SREBF1: variants seen among roughly 807,000 people sequenced by gnomAD.
The protein encoded by SREBF1 is sterol regulatory element-binding protein 1.
A neutral mutation model predicts 100.1 loss-of-function variants in SREBF1; 45 were observed. The ratio of observed to expected loss-of-function variants is 0.45; its 90% CI spans 0.35 to 0.58. The LOEUF (loss-of-function observed/expected upper bound fraction) is 0.58. Ranked by LOEUF, SREBF1 falls within the 20% of genes least tolerant of loss-of-function variation. The probability of loss-of-function intolerance (pLI) is 0.00; values close to 1 mark genes in which losing one functional copy is unlikely to be tolerated. For synonymous variants in SREBF1, 657 were observed against 681.8 expected, an observed-to-expected ratio of 0.96 and a Z score of 0.57; for missense variants, 1,324 against 1,539.4, an observed-to-expected ratio of 0.86 and a Z score of 2.34.
chr17:17,812,892 G>T (rs2033061186), intron 18 of SREBF1, 41 bp from the exon 19 acceptor site: 2 of 1,445,652 alleles, frequency 1.4e-6, no homozygotes, highest in South Asian at 2.8e-5. Context: ...TCTCAAGCTG[G>T]CCACGCCCCC....
In SREBF1 at chr17:17,816,437, C is replaced by T. The variant is rs757988948; in HGVS notation, c.2047+20G>A. On this transcript the variant is annotated intron_variant, in intron 10 of 18. Transcript: ENST00000261646. ...AGGCAGCAGGGAGCACCTCGGAGCC[C>T]GCCCCACGCTCAGTCCTACCCATGG... 1.1e-5 allele frequency: 17 copies of T among 1,603,836 alleles called. No individual in the cohort carries two copies. The highest frequency in any genetic ancestry group is 4.5e-5 in the South Asian group (4 of 89,572).
rs1258836463 is a variant in SREBF1, at chr17:17,812,818, CGCGTGGGCCGCGGCTCCAGCT to C, written c.3227_3247del (p.Glu1076_Arg1083delinsGly). 2.0e-6 allele frequency: 3 copies of C among 1,481,098 alleles called. No homozygotes were observed. Among genetic ancestry groups the C allele is most frequent in the Non-Finnish European group, 2.7e-6 (3 of 1,121,962 alleles). 91.7% of individuals were successfully genotyped at this position (1,481,098 alleles called of 1,614,324 possible). A position where few individuals can be genotyped will look rare whatever the true frequency, so the allele number is the denominator to read the frequency against. ...CAGCAAGGCCTCCGCGTGCTCCCGC[CGCGTGGGCCGCGGCTCCAGCT>C]CCGCCACCGCGCCTGCGCACACGAG... On this transcript the variant is annotated inframe_deletion, in exon 19 of 19. Transcript: ENST00000261646.
intron 9 of SREBF1, 21 bp downstream of exon 9, chr17:17,816,937 C>CTGCCGGGGCCAGCCCCT (rs1567965911): frequency 1.2e-6 from 2 of 1,612,668 alleles, no homozygotes; most frequent in South Asian, 2.2e-5. Context: ...CCTGCCCACT[C>CTGCCGGGGCCAGCCCCT]TGCCGGGGCC....
intron 11 of SREBF1, 79 bp from the exon 12 acceptor site, chr17:17,816,107 A>G: frequency 7.1e-7 from 1 of 1,412,928 alleles, no homozygotes. Context: ...CTTGGCCTGG[A>G]GTCCCCCTGG....
At chr17:17,829,205 A>AAAAAATATATATATATAT (rs1210718799) in intron 1 of SREBF1, among the ~76,000 whole-genome samples, 7 of 65,842 alleles carry the variant, frequency 1.1e-4, no homozygotes, top group African/African-American at 6.1e-4. Flanking sequence ...AAAAAAAAAA[A>AAAAAATATATATATATAT]ATATATATAT....
rs2032866480 is a variant in SREBF1, at chr17:17,811,693, G to A, written c.*929C>T. The A allele has an allele frequency of 3.7e-5, 17 of 454,196 alleles. 1 individual carries two copies. Among genetic ancestry groups the A allele is most frequent in the South Asian group, 2.5e-4 (16 of 64,336 alleles). The allele number at this position is 454,196 out of a possible 1,614,324, so 28.1% of individuals were successfully genotyped here. On this transcript the variant is annotated 3_prime_UTR_variant, in exon 19 of 19. Coordinates refer to ENST00000261646, the MANE Select transcript of SREBF1 (RefSeq NM_004176.5). ...GGGGCCGGGATGGGGGAGGTGAGAC[G>A]TGCCAGACTTCTTGCAGGGAGACCC...
Position 17,813,391 on chromosome 17 carries a change from C to A in SREBF1, c.3191G>T (p.Arg1064Leu), listed in dbSNP as rs564483083. 2 of 1,600,084 alleles carry A rather than the reference C, an allele frequency of 1.2e-6. No homozygotes were observed. The highest frequency in any genetic ancestry group is 2.2e-5 in the South Asian group (2 of 89,122). ...ACCTCCTTTGCCACCGGGGCCTGCC[C>A]GCCGCCTCAGACTGCGGTCGAGGAG... ...HQLLDRSLRRRAGPGGKGGAV... is the reference protein window; with the variant it reads ...HQLLDRSLRRLAGPGGKGGAV... Residue 1064 changes from arginine to leucine, a missense_variant, in exon 18 of 19, where the codon CGG (arginine) becomes CTG (leucine). Arg to Leu is a moderately radical substitution (Grantham distance 102). Coordinates refer to ENST00000261646, the MANE Select transcript of SREBF1 (RefSeq NM_004176.5).
Position 17,819,415 on chromosome 17 carries a change from G to T in SREBF1, c.751C>A (p.Leu251Ile). 2 of 1,613,874 alleles carry T rather than the reference G, an allele frequency of 1.2e-6. No individual in the cohort carries two copies. Among genetic ancestry groups the T allele is most frequent in the Non-Finnish European group, 8.5e-7 (1 of 1,180,046 alleles). ...CCGTCTGTCTTCATGGCTGTCAGAA[G>T]CAGCGAGTCTGCCTTGATGAAGTGG... ...QPHFIKADSL[L>I]LTAMKTDGAT... Residue 251 changes from leucine to isoleucine, a missense_variant, in exon 4 of 19, where the codon CTT becomes ATT. Physicochemically the swap from Leu to Ile is conservative, Grantham distance 5. Transcript: ENST00000261646.
chr17:17,817,338 C>A lies in SREBF1; in HGVS notation c.1524G>T (p.Gly508=). The change falls in exon 8 of 19, where the codon GGG becomes GGT. Residue 508 remains glycine (G), a synonymous_variant. Coordinates refer to ENST00000261646, the MANE Select transcript of SREBF1 (RefSeq NM_004176.5). The surrounding 1 kb of genome is among the most constrained non-coding windows in gnomAD (Gnocchi z 6.6). ...LSCNPLASLL[G]ARGLPSPSDT... ...CTGAGGGGCTGGGAAGCCCCCGGGC[C>A]CCCAGCAAGGAGGCCAAGGGGTTGC... The A allele has an allele frequency of 6.2e-7, 1 of 1,606,866 alleles. No individual in the cohort carries two copies. Among genetic ancestry groups the A allele is most frequent in the Non-Finnish European group, 8.5e-7 (1 of 1,177,736 alleles).
rs1306768906 is a variant in SREBF1, at chr17:17,836,722, C to T, written c.91+5G>A. ...CAGCTTCAAGCCCTGCCCGCCCTGA[C>T]GCACCTTCGATGTCGGTCAGCAGCG... On this transcript the variant is annotated splice_donor_5th_base_variant and intron_variant, in intron 1 of 18. Coordinates refer to ENST00000261646, the MANE Select transcript of SREBF1 (RefSeq NM_004176.5). The T allele has an allele frequency of 3.3e-5, 51 of 1,564,710 alleles. No homozygotes were observed. The highest frequency in any genetic ancestry group is 4.3e-5 in the Non-Finnish European group (50 of 1,162,806).
rs1189753491 is a variant in SREBF1, at chr17:17,814,513, T to G, written c.2735+102A>C. The stretch of plus-strand genomic sequence containing the variant: ...CGAGTTCCCTGAGGAAAAAAGGTGG[T>G]GACTCCTCCTGCACAGAACAAAGGC... On this transcript the variant is annotated intron_variant, in intron 15 of 18. Coordinates refer to ENST00000261646, the MANE Select transcript of SREBF1 (RefSeq NM_004176.5). 5.9e-6 allele frequency: 9 copies of G among 1,535,324 alleles called. No individual in the cohort carries two copies. The East Asian group carries it at 2.0e-4, about 33-fold the overall frequency.
chr17:17,812,529 C>T lies in SREBF1; in HGVS notation c.*93G>A. On this transcript the variant is annotated 3_prime_UTR_variant, in exon 19 of 19. Coordinates refer to ENST00000261646, the MANE Select transcript of SREBF1 (RefSeq NM_004176.5). Reference sequence around the variant, plus strand: ...ACTGTGGAGGCCAGAGTCTCTTGCACTGCCTTCGGCCTTCAAAGCTTCGAC... The same window carrying T: ...ACTGTGGAGGCCAGAGTCTCTTGCATTGCCTTCGGCCTTCAAAGCTTCGAC... The T allele has an allele frequency of 7.5e-7, 1 of 1,329,418 alleles. No individual in the cohort carries two copies. Among genetic ancestry groups the T allele is most frequent in the Non-Finnish European group, 1.0e-6 (1 of 959,002 alleles). The allele number at this position is 1,329,418 out of a possible 1,614,324, so 82.4% of individuals were successfully genotyped here.
intron 1 of SREBF1, chr17:17,823,669 CCCCGCCCCCAGCCCCG>C: frequency 7.8e-7 from 1 of 1,279,426 alleles, no homozygotes; most frequent in African/African-American, 1.5e-5. Context: ...CCCCGCCCCG[CCCCGCCCCCAGCCCCG>C]CCCCAGCCCC....
At chr17:17,830,700 C>T (rs534432681) in intron 1 of SREBF1, among the ~76,000 whole-genome samples, 17 of 152,336 alleles carry the variant, frequency 1.1e-4, no homozygotes, top group African/African-American at 4.1e-4. Context: ...ACCCCCAGCC[C>T]CGTCCCACCT....
Position 17,819,375 on chromosome 17 carries a change from G to C in SREBF1, c.791C>G (p.Ala264Gly), listed in dbSNP as rs564840650. The C allele has an allele frequency of 6.2e-7, 1 of 1,613,832 alleles. No homozygotes were observed. The highest frequency in any genetic ancestry group is 1.1e-5 in the South Asian group (1 of 91,090). Residue 264 changes from alanine to glycine, a missense_variant, in exon 4 of 19, where the codon GCG becomes GGG. By Grantham distance (60) the Ala-to-Gly change is moderately conservative (BLOSUM62 0). Coordinates refer to ENST00000261646, the MANE Select transcript of SREBF1 (RefSeq NM_004176.5). ...AMKTDGATVKAAGLSPLVSGT... is the reference protein window; with the variant it reads ...AMKTDGATVKGAGLSPLVSGT... ...AGAGACCAGGGGACTGAGACCTGCC[G>C]CCTTCACAGTGGCTCCGTCTGTCTT...
rs2032881733 is a variant in SREBF1, at chr17:17,811,811, G to C, written c.*811C>G. 4.4e-6 allele frequency: 2 copies of C among 451,816 alleles called. No homozygotes were observed. Among genetic ancestry groups the C allele is most frequent in the Admixed American group, 2.4e-5 (1 of 41,750 alleles). The allele number at this position is 451,816 out of a possible 1,614,324, so 28.0% of individuals were successfully genotyped here. A position where few individuals can be genotyped will look rare whatever the true frequency, so the allele number is the denominator to read the frequency against. ...TGATGGGGACAGAGCTGGGAGGTGA[G>C]AAGGGACAACTGACCCCATGGAGGC... On this transcript the variant is annotated 3_prime_UTR_variant, in exon 19 of 19. Coordinates refer to ENST00000261646, the MANE Select transcript of SREBF1 (RefSeq NM_004176.5).
Position 17,820,359 on chromosome 17 carries a change from G to C in SREBF1, c.254C>G (p.Ala85Gly). ...PPATLSSSLE[A>G]FLSGPQAAPS... ...CGCTGCCTGCGGCCCGCTCAGGAAG[G>C]CTTCAAGAGAGGAGCTCAATGTGGC... The change falls in exon 2 of 19, where the codon GCC becomes GGC. Residue 85 changes from alanine to glycine, a missense_variant. Physicochemically the swap from Ala to Gly is moderately conservative, Grantham distance 60 (BLOSUM62 0). Coordinates refer to ENST00000261646, the MANE Select transcript of SREBF1 (RefSeq NM_004176.5). 6.2e-7 allele frequency: 1 copy of C among 1,612,660 alleles called. No individual in the cohort carries two copies. Among genetic ancestry groups the C allele is most frequent in the Non-Finnish European group, 8.5e-7 (1 of 1,178,940 alleles).
At chr17:17,818,143 A>G (rs4925115) in intron 6 of SREBF1, 117 bp downstream of exon 6, 459,127 of 725,106 alleles carry the variant, frequency 0.63, 135,911 homozygotes, top group African/African-American at 0.75. Context: ...TGAGGTGGGC[A>G]GGGCAGAGGG....
chr17:17,814,559 G>A (rs1219765013), intron 15 of SREBF1, 56 bp downstream of exon 15: 2 of 1,536,314 alleles, frequency 1.3e-6, no homozygotes, highest in African/African-American at 2.7e-5. Flanking sequence ...ACAGTGCCCA[G>A]GGGATGAGGA....
Sources: allele counts gnomAD v4.1 joint callset (sites outside exome capture counted in the v4.1 genomes callset), GRCh38; gene constraint gnomAD v4.1.1; non-coding constraint Gnocchi (gnomAD v3.1); transcripts MANE v1.5; gene names NCBI Gene and HGNC (gene_info 2026-07-23, HGNC 2026-07-21).